The following STXBP5L variants were observed in gnomAD, a reference collection of about 807,000 sequenced individuals.
The protein encoded by STXBP5L is syntaxin-binding protein 5-like.
Under a neutral mutation model 144.5 loss-of-function variants are expected in STXBP5L, and 65 were observed. The observed-to-expected ratio is 0.45, with a 90% CI of 0.37 to 0.55. The LOEUF is 0.55. STXBP5L is among the 20% of genes least tolerant of loss of function. STXBP5L has a pLI of 0.00. For missense variants in STXBP5L, 1,298 were observed against 1,405.5 expected (o/e 0.92, Z 1.22); for synonymous variants, 505 against 469.6 (o/e 1.08, Z -0.97).
intron 2 of STXBP5L, among the ~76,000 whole-genome samples, chr3:120,953,335 T>C (rs2107697077): frequency 6.7e-6 from 1 of 148,582 alleles, no homozygotes; most frequent in African/African-American, 2.5e-5. Context: ...CTTTTTTTTT[T>C]TTTTTTTTTT....
At chr3:121,214,142 C>G (rs1427197359) in intron 10 of STXBP5L, among the ~76,000 whole-genome samples, 1 of 151,936 alleles carries the variant, frequency 6.6e-6, no homozygotes, top group East Asian at 1.9e-4. Flanking sequence ...TTTTGTTAAT[C>G]TTTTCAAAAA....
At chr3:121,398,212 G>A (rs1044966069) in intron 22 of STXBP5L, among the ~76,000 whole-genome samples, 1 of 152,206 alleles carries the variant, frequency 6.6e-6, no homozygotes, top group African/African-American at 2.4e-5. Flanking sequence ...ACTCCTGTAT[G>A]TATTTGTACC....
chr3:120,914,642 G>A (rs1709014064), intron 2 of STXBP5L, among the ~76,000 whole-genome samples: 1 of 152,026 alleles, frequency 6.6e-6, no homozygotes. Flanking sequence ...AAGCGGTTTT[G>A]CAACTGAGAT....
chr3:121,037,947 T>A (rs1339963713), intron 3 of STXBP5L, among the ~76,000 whole-genome samples: 2 of 152,042 alleles, frequency 1.3e-5, no homozygotes, highest in African/African-American at 2.4e-5. Flanking sequence ...CATAATTTTT[T>A]AAATAATATT....
At chr3:120,930,848 C>T (rs1709894029) in intron 2 of STXBP5L, among the ~76,000 whole-genome samples, 1 of 151,842 alleles carries the variant, frequency 6.6e-6, no homozygotes, top group Non-Finnish European at 1.5e-5. Context: ...TTCCCTCTTC[C>T]ACTGAATGTG....
At chr3:121,078,803 A>G (rs1292317227) in intron 5 of STXBP5L, among the ~76,000 whole-genome samples, 2 of 152,268 alleles carry the variant, frequency 1.3e-5, no homozygotes, top group African/African-American at 4.8e-5. Context: ...CCAGGTGCTA[A>G]GCCCTTCATT....
intron 2 of STXBP5L, among the ~76,000 whole-genome samples, chr3:120,939,306 A>G (rs1452518024): frequency 3.3e-5 from 5 of 152,186 alleles, no homozygotes; most frequent in Non-Finnish European, 7.3e-5. Flanking sequence ...GACAGCTGTC[A>G]TTTTCAAGTT....
chr3:121,334,432 G>A (rs1279094166), intron 20 of STXBP5L, among the ~76,000 whole-genome samples: 7 of 144,772 alleles, frequency 4.8e-5, no homozygotes, highest in Non-Finnish European at 6.0e-5. Context: ...ACCTGGCAGG[G>A]ACACAACAAC....
In STXBP5L at chr3:121,292,753, G is replaced by T. The variant is rs551652577; in HGVS notation, c.2110+12797G>T. 2.3e-4 allele frequency among the ~76,000 whole-genome samples: 35 copies of T among 152,332 alleles called. 1 individual carries two copies. The highest frequency in any genetic ancestry group is 1.0e-3 in the South Asian group (5 of 4,828). On this transcript the variant is annotated intron_variant, in intron 19 of 26. Coordinates refer to ENST00000471454, the MANE Select transcript of STXBP5L (RefSeq NM_001308330.2). ...TTGCAGCAACCTGGATGGAGTTGGA[G>T]ACCATTATTCTAAGTGAAGTAACTC...
At chr3:121,022,817 T>G (rs557318686) in intron 3 of STXBP5L, among the ~76,000 whole-genome samples, 1 of 152,216 alleles carries the variant, frequency 6.6e-6, no homozygotes, top group East Asian at 1.9e-4. Context: ...TGGGGAAAAG[T>G]TGAAAGCATT....
chr3:121,316,431 C>G (rs1251379155), intron 19 of STXBP5L, among the ~76,000 whole-genome samples: 1 of 152,168 alleles, frequency 6.6e-6, no homozygotes, highest in African/African-American at 2.4e-5. Context: ...TGATGAAACT[C>G]TTTCTAACAT....
chr3:121,033,992 C>G (rs1039872133), intron 3 of STXBP5L, among the ~76,000 whole-genome samples: 2 of 152,014 alleles, frequency 1.3e-5, no homozygotes, highest in Non-Finnish European at 2.9e-5. Flanking sequence ...CTATGCAAGT[C>G]TTTTGGATAG....
intron 5 of STXBP5L, among the ~76,000 whole-genome samples, chr3:121,069,513 G>C (rs2107656307): frequency 6.6e-6 from 1 of 152,036 alleles, no homozygotes. Context: ...TTTCCAAAAA[G>C]CGCAATTGCC....
intron 5 of STXBP5L, among the ~76,000 whole-genome samples, chr3:121,101,263 A>G (rs1299360522): frequency 6.6e-6 from 1 of 152,140 alleles, no homozygotes; most frequent in Non-Finnish European, 1.5e-5. Flanking sequence ...TCACACTGAT[A>G]CCAAAACCTG....
intron 22 of STXBP5L, among the ~76,000 whole-genome samples, chr3:121,392,945 G>A (rs945036132): frequency 6.6e-6 from 1 of 151,498 alleles, no homozygotes; most frequent in East Asian, 1.9e-4. Flanking sequence ...TGTATAAATA[G>A]CAGGTAGTGG....
chr3:121,269,425 G>GTA (rs369816475), intron 18 of STXBP5L, among the ~76,000 whole-genome samples: 49 of 150,652 alleles, frequency 3.3e-4, no homozygotes, highest in Admixed American at 1.1e-3. Flanking sequence ...GTGTGTGTGT[G>GTA]TATATATATA....
intron 5 of STXBP5L, among the ~76,000 whole-genome samples, chr3:121,081,318 TA>T (rs2042239452): frequency 6.6e-6 from 1 of 152,232 alleles, no homozygotes; most frequent in Non-Finnish European, 1.5e-5. Flanking sequence ...TTGGGTAAAC[TA>T]TTTCTTCAAA....
chr3:121,413,523 G>A (rs1480206035), intron 24 of STXBP5L, among the ~76,000 whole-genome samples, 200 bp downstream of exon 24: 3 of 152,104 alleles, frequency 2.0e-5, no homozygotes, highest in Non-Finnish European at 2.9e-5. Context: ...AAGAAAGAGG[G>A]AGACAATGGA....
intron 3 of STXBP5L, among the ~76,000 whole-genome samples, chr3:121,031,234 G>C (rs1249653062): frequency 1.3e-5 from 2 of 152,032 alleles, no homozygotes; most frequent in Non-Finnish European, 2.9e-5. Flanking sequence ...AGATGACTGA[G>C]GATGCATTGT....
Sources: gnomAD v4.1 joint callset for allele counts (sites outside exome capture counted in the v4.1 genomes callset) on GRCh38, gnomAD v4.1.1 for gene constraint, MANE v1.5 for transcripts, NCBI Gene and HGNC (gene_info 2026-07-23, HGNC 2026-07-21) for gene names.